PLCG1: variants seen among roughly 807,000 people sequenced by gnomAD.
PLCG1 encodes the protein 1-phosphatidylinositol 4,5-bisphosphate phosphodiesterase gamma-1.
PLCG1 carries 71 observed loss-of-function variants against 177.8 expected under a neutral mutation model. That is an observed-to-expected ratio of 0.40 (90% CI 0.33 to 0.49). The LOEUF is 0.49. Among genes scored for constraint, PLCG1 ranks in the 20% least tolerant of loss-of-function variants. PLCG1 has a pLI of 0.72. For missense variants in PLCG1, 1,281 were observed against 1,709.0 expected, an observed-to-expected ratio of 0.75 and a Z score of 4.42; for synonymous variants, 658 against 647.9, an observed-to-expected ratio of 1.02 and a Z score of -0.24.
chr20:41,166,069 C>G lies in PLCG1; in HGVS notation c.1800-125C>G. On this transcript the variant is annotated intron_variant, in intron 16 of 31. Coordinates refer to ENST00000685551, the MANE Select transcript of PLCG1 (RefSeq NM_002660.3). This position sits in a 1 kb window ranked among gnomAD's most constrained non-coding sequence, Gnocchi z 8.6. ...TCATGTGACTGCCCACACCTGAGCTCCTCAGGAGATTGGCCTCCCTCCTTG... is the reference window on the plus strand; with the variant it reads ...TCATGTGACTGCCCACACCTGAGCTGCTCAGGAGATTGGCCTCCCTCCTTG... The G allele has an allele frequency of 1.2e-6, 1 of 807,630 alleles. No homozygotes were observed. The highest frequency in any genetic ancestry group is 1.9e-6 in the Non-Finnish European group (1 of 517,254). The allele number at this position is 807,630 out of a possible 1,614,324, so 50.0% of individuals were successfully genotyped here.
Position 41,163,444 on chromosome 20 carries a change from C to T in PLCG1, c.856C>T (p.Arg286Ter), listed in dbSNP as rs1166685113. The stretch of plus-strand genomic sequence containing the variant: ...GCTCAGCTTCCTCCGAGACCCCTTA[C>T]GAGAGATCGAGGAGCCATACTTCTT... ...FMLSFLRDPL[R>*]EIEEPYFFLD... Residue 286 changes from arginine to a stop codon, truncating the protein, a stop_gained, in exon 9 of 32, where the codon CGA (arginine) becomes TGA (stop). Transcript: ENST00000685551. LOFTEE classifies it high-confidence loss of function. This position sits in a 1 kb window ranked among gnomAD's most constrained non-coding sequence, Gnocchi z 5.2. 3 of 1,612,318 alleles carry T rather than the reference C, an allele frequency of 1.9e-6. No individual in the cohort carries two copies. The highest frequency in any genetic ancestry group is 2.5e-6 in the Non-Finnish European group (3 of 1,179,168).
Position 41,175,062 on chromosome 20 carries a change from A to C in PLCG1, c.*553A>C, listed in dbSNP as rs984823225. 4.5e-5 allele frequency: 7 copies of C among 155,328 alleles called. No individual in the cohort carries two copies. The highest frequency in any genetic ancestry group is 1.7e-4 in the African/African-American group (7 of 41,474). The allele number at this position is 155,328 out of a possible 1,614,324, so 9.6% of individuals were successfully genotyped here. On this transcript the variant is annotated 3_prime_UTR_variant, in exon 32 of 32. Coordinates refer to ENST00000685551, the MANE Select transcript of PLCG1 (RefSeq NM_002660.3). Reference sequence around the variant, plus strand: ...AAGGGTTCTGCCCTGCCTGAGGAGGAGGACACAGCACAAGGGCACATTGCC... The same window carrying C: ...AAGGGTTCTGCCCTGCCTGAGGAGGCGGACACAGCACAAGGGCACATTGCC...
At chr20:41,138,878 A>C (rs953003298) in intron 1 of PLCG1, among the ~76,000 whole-genome samples, 8 of 151,930 alleles carry the variant, frequency 5.3e-5, no homozygotes, top group African/African-American at 1.9e-4. Context: ...TCGGATGGGC[A>C]CTCTGCTCTG....
chr20:41,172,572 T>C lies in PLCG1; in HGVS notation c.3057T>C (p.Asp1019=). The C allele has an allele frequency of 6.2e-7, 1 of 1,614,214 alleles. No individual in the cohort carries two copies. Among genetic ancestry groups the C allele is most frequent in the Non-Finnish European group, 8.5e-7 (1 of 1,180,030 alleles). Residue 1019 remains aspartate, a synonymous_variant, in exon 26 of 32, where the codon GAT becomes GAC. Coordinates refer to ENST00000685551, the MANE Select transcript of PLCG1 (RefSeq NM_002660.3). This position sits in a 1 kb window ranked among gnomAD's most constrained non-coding sequence, Gnocchi z 7.0. ...SRIYPKGQRL[D]SSNYDPLPMW... ...TCTACCCCAAGGGCCAGCGACTGGA[T>C]TCCTCCAACTACGATCCTTTGCCCA...
rs2035935496 is a variant in PLCG1, at chr20:41,172,512, G to C, written c.2997G>C (p.Lys999Asn). Reference protein sequence around the residue: ...EKYVNKAKGKKFLQYNRLQLS... With the variant: ...EKYVNKAKGKNFLQYNRLQLS... ...ACGTGAACAAGGCCAAAGGCAAGAA[G>C]TTCCTTCAGTACAATCGACTGCAGC... The change falls in exon 26 of 32, where the codon AAG becomes AAC. Residue 999 changes from lysine to asparagine, a missense_variant. Coordinates refer to ENST00000685551, the MANE Select transcript of PLCG1 (RefSeq NM_002660.3). The surrounding 1 kb of genome is among the most constrained non-coding windows in gnomAD (Gnocchi z 7.0). 1.2e-6 allele frequency: 2 copies of C among 1,614,094 alleles called. No individual in the cohort carries two copies. Among genetic ancestry groups the C allele is most frequent in the Non-Finnish European group, 1.7e-6 (2 of 1,180,024 alleles).
At position 41,174,116 on chromosome 20, in the gene PLCG1, C is replaced by T. The variant is rs202005133; in HGVS notation, c.3646-8C>T. The T allele has an allele frequency of 1.9e-5, 31 of 1,612,516 alleles. No individual in the cohort carries two copies. Among genetic ancestry groups the T allele is most frequent in the African/African-American group, 2.7e-5 (2 of 75,006 alleles). On this transcript the variant is annotated splice_polypyrimidine_tract_variant and splice_region_variant and intron_variant, in intron 30 of 31. Transcript: ENST00000685551. This position sits in a 1 kb window ranked among gnomAD's most constrained non-coding sequence, Gnocchi z 5.8. Reference sequence around the variant, plus strand: ...ATTGACCCTCTTGTGCACCTGGCTTCGTTGAAGCAGGAGAATGGTGACCTC... The same window carrying T: ...ATTGACCCTCTTGTGCACCTGGCTTTGTTGAAGCAGGAGAATGGTGACCTC...
In PLCG1 at chr20:41,170,265, C is replaced by A; in HGVS notation, c.2804C>A (p.Ala935Asp). Residue 935 changes from alanine (A) to aspartate (D), a missense_variant, in exon 24 of 32, where the codon GCC (alanine) becomes GAC (aspartate). Physicochemically the swap from Ala to Asp is moderately radical, Grantham distance 126. This residue lies in a region of PLCG1 where 723 missense variants were observed against 1,030.0 expected (regional missense o/e 0.70). Coordinates refer to ENST00000685551, the MANE Select transcript of PLCG1 (RefSeq NM_002660.3). ...CGTGAAGTGGCCCAGACAGCAGACG[C>A]CAGGGTGAGATTCTGCTGGAACCTT... is the stretch of plus-strand genomic sequence containing the variant. ...KIREVAQTAD[A>D]RLTEGKIMER... The A allele has an allele frequency of 1.9e-6, 3 of 1,614,070 alleles. No individual in the cohort carries two copies. The highest frequency in any genetic ancestry group is 2.5e-6 in the Non-Finnish European group (3 of 1,179,986).
In PLCG1 at chr20:41,137,919, G is replaced by A. The variant is rs2034652764; in HGVS notation, c.217+61G>A. 11 of 1,140,102 alleles carry A rather than the reference G, an allele frequency of 9.6e-6. No homozygotes were observed. Among genetic ancestry groups the A allele is most frequent in the Non-Finnish European group, 7.8e-6 (7 of 892,166 alleles). 70.6% of individuals were successfully genotyped at this position (1,140,102 alleles called of 1,614,324 possible). ...CGCGGGGGTCGTGGGAGCCCGGCCC[G>A]ACTGCTTGCACCCCGGCCGGCCGCC... On this transcript the variant is annotated intron_variant, in intron 1 of 31. Transcript: ENST00000685551. The surrounding 1 kb of genome is among the most constrained non-coding windows in gnomAD (Gnocchi z 7.3).
Position 41,172,911 on chromosome 20 carries a change from AAG to A in PLCG1, c.3279+35_3279+36del, listed in dbSNP as rs753319467. 5 of 1,604,068 alleles carry A rather than the reference AAG, an allele frequency of 3.1e-6. No individual in the cohort carries two copies. Among genetic ancestry groups the A allele is most frequent in the Non-Finnish European group, 4.3e-6 (5 of 1,173,394 alleles). ...TGCTCATCTGGGCTTCAGGGTAGGA[AAG>A]GGGCTGCTTGCCGTTGGAGTCTGTT... On this transcript the variant is annotated intron_variant, in intron 27 of 31. Transcript: ENST00000685551. This position sits in a 1 kb window ranked among gnomAD's most constrained non-coding sequence, Gnocchi z 7.0.
Position 41,164,206 on chromosome 20 carries a change from G to A in PLCG1, c.1217+5G>A. The A allele has an allele frequency of 1.2e-6, 2 of 1,613,938 alleles. No individual in the cohort carries two copies. The highest frequency in any genetic ancestry group is 1.7e-6 in the Non-Finnish European group (2 of 1,179,918). On this transcript the variant is annotated splice_donor_5th_base_variant and intron_variant, in intron 12 of 31. Transcript: ENST00000685551. This position sits in a 1 kb window ranked among gnomAD's most constrained non-coding sequence, Gnocchi z 6.4. ...GCATGCCTTTGTGGCCTCAGAGTGA[G>A]TCGGAGGCTGGATGACCCAGGGGTT...
Position 41,164,234 on chromosome 20 carries a change from C to CT in PLCG1, c.1217+35dup. 1 of 1,612,276 alleles carries CT rather than the reference C, an allele frequency of 6.2e-7. No homozygotes were observed. Among genetic ancestry groups the CT allele is most frequent in the Non-Finnish European group, 8.5e-7 (1 of 1,178,872 alleles). On this transcript the variant is annotated intron_variant, in intron 12 of 31. Transcript: ENST00000685551. The surrounding 1 kb of genome is among the most constrained non-coding windows in gnomAD (Gnocchi z 6.4). ...GGAGGCTGGATGACCCAGGGGTTAA[C>CT]TTGGCTCCAGGTCTCTCGTTCTAGA...
At chr20:41,145,097 C>T (rs550030944) in intron 1 of PLCG1, among the ~76,000 whole-genome samples, 213 of 152,184 alleles carry the variant, frequency 1.4e-3, no homozygotes, top group Non-Finnish European at 2.7e-3. Context: ...CAAGAGGCTG[C>T]TCTGTCAGGG....
intron 1 of PLCG1, among the ~76,000 whole-genome samples, chr20:41,143,015 A>G (rs568289152): frequency 3.9e-5 from 6 of 152,336 alleles, no homozygotes; most frequent in Admixed American, 3.9e-4. Context: ...TGCAGCTCTC[A>G]GCAGTCCCTC....
At position 41,165,996 on chromosome 20, in the gene PLCG1, C is replaced by CCG; in HGVS notation, c.1799+171_1799+172insGC. The CCG allele has an allele frequency of 1.5e-6, 1 of 681,962 alleles. No individual in the cohort carries two copies. The highest frequency in any genetic ancestry group is 1.9e-5 in the South Asian group (1 of 52,314). 42.2% of individuals were successfully genotyped at this position (681,962 alleles called of 1,614,324 possible). On this transcript the variant is annotated intron_variant, in intron 16 of 31. Transcript: ENST00000685551. The surrounding 1 kb of genome is among the most constrained non-coding windows in gnomAD (Gnocchi z 6.6). Reference sequence around the variant, plus strand: ...CACACACACTCTCTGTCTCACCCCCCCCCCATACCCCTCCCTTTTCGGTTC... The same window carrying CCG: ...CACACACACTCTCTGTCTCACCCCCCCGCCCCATACCCCTCCCTTTTCGGTTC...
intron 4 of PLCG1, among the ~76,000 whole-genome samples, chr20:41,161,403 T>G (rs955388948): frequency 2.0e-5 from 3 of 152,150 alleles, no homozygotes; most frequent in African/African-American, 7.2e-5. Flanking sequence ...GCTGGAGAGC[T>G]AAGCAGGGGC....
chr20:41,146,028 A>C lies in PLCG1; in HGVS notation c.217+8170A>C, dbSNP rs942337158. Among the ~76,000 whole-genome samples the C allele has an allele frequency of 6.6e-6, 1 of 152,106 alleles. No individual in the cohort carries two copies. The highest frequency in any genetic ancestry group is 1.5e-5 in the Non-Finnish European group (1 of 68,008). Reference sequence around the variant, plus strand: ...GGGAGGCAGGGAGGAGCTCCTTTTTATAGTCCACATGTAGGCTTTGTGTAT... The same window carrying C: ...GGGAGGCAGGGAGGAGCTCCTTTTTCTAGTCCACATGTAGGCTTTGTGTAT... On this transcript the variant is annotated intron_variant, in intron 1 of 31. Transcript: ENST00000685551. The surrounding 1 kb of genome is among the most constrained non-coding windows in gnomAD (Gnocchi z 6.3).
intron 1 of PLCG1, among the ~76,000 whole-genome samples, chr20:41,149,438 A>G (rs1033316246): frequency 2.6e-5 from 4 of 152,216 alleles, no homozygotes; most frequent in Non-Finnish European, 4.4e-5. Flanking sequence ...GAGTTTGGGT[A>G]CCTGTTTGAA....
rs2146032028 is a variant in PLCG1 at position 41,159,776 on chromosome 20, A to G, written c.370+18A>G. ...CCTGCAAGGTGGGAGTTAAGGGGGTAGAGGAGGTAGAGGATAGTTAGGGGA... is the reference window on the plus strand; with the variant it reads ...CCTGCAAGGTGGGAGTTAAGGGGGTGGAGGAGGTAGAGGATAGTTAGGGGA... On this transcript the variant is annotated intron_variant, in intron 2 of 31. Transcript: ENST00000685551. This position sits in a 1 kb window ranked among gnomAD's most constrained non-coding sequence, Gnocchi z 6.0. The G allele has an allele frequency of 6.2e-7, 1 of 1,614,084 alleles. No homozygotes were observed.
intron 4 of PLCG1, 152 bp from the exon 5 acceptor site, chr20:41,162,300 T>C: frequency 3.1e-6 from 1 of 325,286 alleles, no homozygotes; most frequent in Non-Finnish European, 5.9e-6. Context: ...GGGACTAACC[T>C]CACCCCATGG....
Sources: gnomAD v4.1 joint callset for allele counts (sites outside exome capture counted in the v4.1 genomes callset) on GRCh38, gnomAD v4.1.1 for gene constraint, gnomAD v4.1.1 regional missense constraint, Gnocchi (gnomAD v3.1) non-coding constraint, MANE v1.5 for transcripts, NCBI Gene and HGNC (gene_info 2026-07-23, HGNC 2026-07-21) for gene names.